The following IFT57 variants were observed in gnomAD, a reference collection of about 807,000 sequenced individuals.
IFT57 encodes the protein intraflagellar transport protein 57 homolog.
Under a neutral mutation model 56.8 loss-of-function variants are expected in IFT57, and 59 were observed. The observed-to-expected ratio is 1.04, with a 90% CI of 0.84 to 1.29. The LOEUF (loss-of-function observed/expected upper bound fraction) is 1.29. IFT57 is among the 50% of genes most tolerant of loss of function. The pLI is 0.00. For missense variants in IFT57, 470 were observed against 522.1 expected (o/e 0.90, Z 0.97); for synonymous variants, 209 against 186.1 (o/e 1.12, Z -1.00).
At chr3:108,190,561 G>GT (rs781630727) in intron 6 of IFT57, among the ~76,000 whole-genome samples, 2 of 152,144 alleles carry the variant, frequency 1.3e-5, no homozygotes, top group Admixed American at 6.5e-5. Context: ...TGCCATGATT[G>GT]TTTAAGTTTC....
chr3:108,221,568 G>C (rs1376216449), intron 1 of IFT57, among the ~76,000 whole-genome samples: 6 of 152,174 alleles, frequency 3.9e-5, no homozygotes, highest in Non-Finnish European at 7.3e-5. Flanking sequence ...ATAGCAAGTA[G>C]TTAACAAGTT....
At position 108,161,083 on chromosome 3, in the gene IFT57, C is replaced by G. The variant is rs2080029408; in HGVS notation, c.*1394G>C. On this transcript the variant is annotated 3_prime_UTR_variant, in exon 11 of 11. Coordinates refer to ENST00000264538, the MANE Select transcript of IFT57 (RefSeq NM_018010.4). ...TTGAATTCATCAAAAAACTACTCAG[C>G]CATGACAACAGCCATGAAAATAAAT... 6.6e-6 allele frequency: 1 copy of G among 152,116 alleles called. No individual in the cohort carries two copies. The highest frequency in any genetic ancestry group is 2.1e-4 in the South Asian group (1 of 4,830). The allele number at this position is 152,116 out of a possible 1,614,324, so 9.4% of individuals were successfully genotyped here.
At chr3:108,186,321 C>CAAA (rs3053401) in intron 6 of IFT57, among the ~76,000 whole-genome samples, 64,613 of 139,684 alleles carry the variant, frequency 0.46, 15,693 homozygotes, top group African/African-American at 0.6. Flanking sequence ...GTGGCTATGC[C>CAAA]AAAAAAAAAA....
At chr3:108,197,240 T>C (rs1001161582) in intron 5 of IFT57, among the ~76,000 whole-genome samples, 1 of 152,158 alleles carries the variant, frequency 6.6e-6, no homozygotes, top group African/African-American at 2.4e-5. Flanking sequence ...CCTACAACAT[T>C]CAAGGTAAGA....
intron 5 of IFT57, among the ~76,000 whole-genome samples, chr3:108,199,535 T>C (rs2080265467): frequency 6.6e-6 from 1 of 152,024 alleles, no homozygotes; most frequent in African/African-American, 2.4e-5. Flanking sequence ...GAAAAAAGAG[T>C]TAAGTACATT....
chr3:108,165,978 A>C (rs9838360), intron 8 of IFT57, among the ~76,000 whole-genome samples: 14,654 of 152,164 alleles, frequency 0.096, 770 homozygotes, highest in Middle Eastern at 0.12. Flanking sequence ...TATTAGACAA[A>C]TACATGGTGG....
intron 6 of IFT57, among the ~76,000 whole-genome samples, chr3:108,191,151 T>G (rs2080213034): frequency 6.6e-6 from 1 of 152,184 alleles, no homozygotes; most frequent in Non-Finnish European, 1.5e-5. Flanking sequence ...CCAGGCTGCT[T>G]TCTGTTTTGC....
Position 108,219,563 on chromosome 3 carries a change from A to T in IFT57, c.222T>A (p.Phe74Leu). The T allele has an allele frequency of 6.2e-7, 1 of 1,613,760 alleles. No individual in the cohort carries two copies. Among genetic ancestry groups the T allele is most frequent in the South Asian group, 1.1e-5 (1 of 91,054 alleles). Residue 74 changes from phenylalanine (F) to leucine (L), a missense_variant, in exon 2 of 11, where the codon TTT becomes TTA. Transcript: ENST00000264538. ...GTTCGCCAGGGTTGGTAGGCAGTGC[A>T]AAATAGTGTCTGTTTCAAAACAAGG... is the stretch of plus-strand genomic sequence containing the variant. ...SNLKAPSRHYFALPTNPGEQF... is the reference protein window; with the variant it reads ...SNLKAPSRHYLALPTNPGEQF...
chr3:108,221,768 T>C (rs146293001), intron 1 of IFT57, among the ~76,000 whole-genome samples: 122 of 119,112 alleles, frequency 1.0e-3, no homozygotes, highest in African/African-American at 3.6e-3. Context: ...CTTGTGTTTT[T>C]CTGAGTTTTC....
chr3:108,205,963 A>G (rs1470838), intron 5 of IFT57, among the ~76,000 whole-genome samples: 253 of 96,874 alleles, frequency 2.6e-3, no homozygotes, highest in African/African-American at 6.9e-3. Context: ...ATATAAATAT[A>G]TTATATATTT....
rs776789825 is a variant in IFT57, at chr3:108,219,559, G to A, written c.226C>T (p.Leu76=). 6.2e-7 allele frequency: 1 copy of A among 1,613,756 alleles called. No individual in the cohort carries two copies. The highest frequency in any genetic ancestry group is 1.7e-5 in the Admixed American group (1 of 60,022). The part of the protein sequence containing the change: ...LKAPSRHYFA[L]PTNPGEQFYM... ...AACTGTTCGCCAGGGTTGGTAGGCA[G>A]TGCAAAATAGTGTCTGTTTCAAAAC... The change falls in exon 2 of 11, where the codon CTG becomes TTG. Residue 76 remains leucine, a synonymous_variant. Coordinates refer to ENST00000264538, the MANE Select transcript of IFT57 (RefSeq NM_018010.4).
chr3:108,169,162 C>T (rs1037560420), intron 6 of IFT57, among the ~76,000 whole-genome samples: 1 of 151,982 alleles, frequency 6.6e-6, no homozygotes, highest in African/African-American at 2.4e-5. Context: ...GCTGTTGTTT[C>T]CAGACTTTTT....
At chr3:108,171,372 G>A (rs763374398) in intron 6 of IFT57, among the ~76,000 whole-genome samples, 1 of 151,810 alleles carries the variant, frequency 6.6e-6, no homozygotes, top group African/African-American at 2.4e-5. Context: ...GCAGTTTGAC[G>A]TAAAGAAAGG....
At chr3:108,198,754 T>C (rs2080260190) in intron 5 of IFT57, among the ~76,000 whole-genome samples, 1 of 152,168 alleles carries the variant, frequency 6.6e-6, no homozygotes, top group Non-Finnish European at 1.5e-5. Flanking sequence ...TGTTTTTATT[T>C]TATTTTTGTG....
At chr3:108,212,214 T>C (rs1249811432) in intron 4 of IFT57, among the ~76,000 whole-genome samples, 1 of 152,086 alleles carries the variant, frequency 6.6e-6, no homozygotes, top group Non-Finnish European at 1.5e-5. Context: ...ATTCCTGGCC[T>C]GAAGCAATCA....
intron 6 of IFT57, among the ~76,000 whole-genome samples, chr3:108,181,129 T>A (rs1301809484): frequency 6.6e-6 from 1 of 152,098 alleles, no homozygotes; most frequent in South Asian, 2.1e-4. Context: ...AACCTTTCTC[T>A]GATCCAGTTG....
chr3:108,164,567 T>TA, intron 9 of IFT57, among the ~76,000 whole-genome samples: 1 of 151,174 alleles, frequency 6.6e-6, no homozygotes, highest in South Asian at 2.1e-4. Flanking sequence ...GATAACTATC[T>TA]ACTCCAAAAG....
chr3:108,185,754 C>T (rs1051525239), intron 6 of IFT57, among the ~76,000 whole-genome samples: 2 of 151,876 alleles, frequency 1.3e-5, no homozygotes, highest in Non-Finnish European at 2.9e-5. Context: ...ATTAGGACTG[C>T]CCTTATTTAT....
chr3:108,204,802 T>C (rs2080300568), intron 5 of IFT57, among the ~76,000 whole-genome samples: 1 of 152,176 alleles, frequency 6.6e-6, no homozygotes, highest in Non-Finnish European at 1.5e-5. Flanking sequence ...CAGTTTAAAT[T>C]CAGGTACTGT....
Sources: gnomAD v4.1 joint callset for allele counts (sites outside exome capture counted in the v4.1 genomes callset) on GRCh38, gnomAD v4.1.1 for gene constraint, MANE v1.5 for transcripts, NCBI Gene and HGNC (gene_info 2026-07-23, HGNC 2026-07-21) for gene names.